RARB: variants seen among roughly 807,000 people sequenced by gnomAD.
RARB encodes the protein retinoic acid receptor beta, also known as HBV-activated protein.
A neutral mutation model predicts 51.9 loss-of-function variants in RARB; 17 were observed. That is an observed-to-expected ratio of 0.33 (90% CI 0.22 to 0.49). The LOEUF (loss-of-function observed/expected upper bound fraction) is 0.49. RARB is among the 20% of genes least tolerant of loss of function. The pLI is 0.99. For missense variants in RARB, 369 were observed against 550.8 expected (o/e 0.67, Z 3.30); for synonymous variants, 215 against 195.4 (o/e 1.10, Z -0.84).
chr3:24,954,447 A>G (rs890821154), intron 2 of RARB, among the ~76,000 whole-genome samples: 6 of 152,232 alleles, frequency 3.9e-5, no homozygotes, highest in Admixed American at 6.5e-5. Flanking sequence ...CAACAAAATC[A>G]GAAGTCAAGG....
intron 2 of RARB, among the ~76,000 whole-genome samples, chr3:24,981,540 A>G (rs1221403410): frequency 2.0e-5 from 3 of 152,004 alleles, no homozygotes; most frequent in Non-Finnish European, 4.4e-5. Flanking sequence ...TCGATCCCAG[A>G]CTGCTGCGTT....
intron 2 of RARB, among the ~76,000 whole-genome samples, chr3:25,006,680 CGTT>C (rs2125277643): frequency 6.6e-6 from 1 of 152,208 alleles, no homozygotes; most frequent in East Asian, 1.9e-4. Context: ...CTATTACAAA[CGTT>C]GTTATAAATC....
At chr3:25,443,421 CT>C (rs5847355) in intron 1 of RARB, among the ~76,000 whole-genome samples, 51,917 of 149,914 alleles carry the variant, frequency 0.35, 9,224 homozygotes, top group Middle Eastern at 0.46. Flanking sequence ...CCCACCACCC[CT>C]TTTTTTTTGG....
At chr3:25,446,720 G>T (rs554487247) in intron 1 of RARB, among the ~76,000 whole-genome samples, 5 of 146,338 alleles carry the variant, frequency 3.4e-5, no homozygotes, top group South Asian at 2.1e-4. Flanking sequence ...GGAGAATAGC[G>T]TGAACCCGGG....
chr3:24,841,674 C>G (rs541827920), intron 1 of RARB, among the ~76,000 whole-genome samples: 4 of 152,246 alleles, frequency 2.6e-5, no homozygotes, highest in African/African-American at 9.6e-5. Context: ...TTAAAAATGT[C>G]TCTAATGTAA....
At chr3:25,316,749 T>C (rs1272005800) in intron 5 of RARB, among the ~76,000 whole-genome samples, 1 of 152,206 alleles carries the variant, frequency 6.6e-6, no homozygotes, top group East Asian at 1.9e-4. Flanking sequence ...CTGACAAATA[T>C]GACAATGACG....
intron 5 of RARB, among the ~76,000 whole-genome samples, chr3:25,315,448 C>T (rs941835825): frequency 3.3e-5 from 5 of 152,196 alleles, no homozygotes; most frequent in African/African-American, 1.2e-4. Flanking sequence ...AAGGGGTCTG[C>T]ACAGTGAGTG....
At chr3:25,211,872 A>C (rs896078103) in intron 5 of RARB, among the ~76,000 whole-genome samples, 1 of 152,238 alleles carries the variant, frequency 6.6e-6, no homozygotes, top group Non-Finnish European at 1.5e-5. Context: ...ATTACAAATC[A>C]TGCAAATCAT....
rs569238586 is a variant in RARB at position 24,938,124 on chromosome 3, G to T, written c.-380+79372G>T. Reference sequence around the variant, plus strand: ...ATGGAGAGCTTGAGAGGTGATCAAGGTTAACCTTGGCTGGGCCAATGGTAA... The same window carrying T: ...ATGGAGAGCTTGAGAGGTGATCAAGTTTAACCTTGGCTGGGCCAATGGTAA... On this transcript the variant is annotated intron_variant, in intron 2 of 11. Transcript: ENST00000383772. Among the ~76,000 whole-genome samples, 6 of 152,254 alleles carry T rather than the reference G, an allele frequency of 3.9e-5. No homozygotes were observed. The South Asian group carries it at 1.0e-3, about 26-fold the overall frequency.
intron 3 of RARB, among the ~76,000 whole-genome samples, chr3:25,107,230 A>G (rs754297746): frequency 2.6e-5 from 4 of 152,152 alleles, no homozygotes; most frequent in Non-Finnish European, 4.4e-5. Flanking sequence ...CCATCAAGCT[A>G]TCAGATGCCA....
intron 2 of RARB, among the ~76,000 whole-genome samples, chr3:25,032,500 C>A: frequency 6.6e-6 from 1 of 152,310 alleles, no homozygotes; most frequent in Middle Eastern, 3.4e-3. Context: ...TTACGTGGAT[C>A]TGAAGTGAAG....
intron 5 of RARB, among the ~76,000 whole-genome samples, chr3:25,177,026 T>A (rs1700768517): frequency 6.6e-6 from 1 of 152,282 alleles, no homozygotes. Context: ...AAAAGGTGTT[T>A]GGAGAAGGGG....
At chr3:25,088,524 G>A (rs570745770) in intron 3 of RARB, among the ~76,000 whole-genome samples, 16 of 152,230 alleles carry the variant, frequency 1.1e-4, no homozygotes, top group South Asian at 4.1e-4. Flanking sequence ...AATCCATGTA[G>A]TGGAGCATTC....
chr3:25,333,404 C>G (rs1433641453), intron 5 of RARB, among the ~76,000 whole-genome samples: 5 of 152,118 alleles, frequency 3.3e-5, no homozygotes, highest in East Asian at 3.8e-4. Context: ...TTTGACAAAC[C>G]TGACAAAAAC....
At chr3:24,949,843 T>C (rs554875363) in intron 2 of RARB, among the ~76,000 whole-genome samples, 1 of 152,294 alleles carries the variant, frequency 6.6e-6, no homozygotes, top group Non-Finnish European at 1.5e-5. Flanking sequence ...GTTCCTTTAC[T>C]TTTTCCTCCA....
At chr3:24,911,836 T>A (rs1216708128) in intron 2 of RARB, among the ~76,000 whole-genome samples, 1 of 152,132 alleles carries the variant, frequency 6.6e-6, no homozygotes, top group Non-Finnish European at 1.5e-5. Flanking sequence ...TGGGAGTGTG[T>A]TTTTTCTAGG....
At chr3:25,263,746 G>A (rs1468637842) in intron 5 of RARB, among the ~76,000 whole-genome samples, 1 of 152,112 alleles carries the variant, frequency 6.6e-6, no homozygotes, top group Non-Finnish European at 1.5e-5. Context: ...CTAGGGGAAG[G>A]CCAGTGTGCC....
At chr3:25,223,160 C>G (rs1298330849) in intron 5 of RARB, among the ~76,000 whole-genome samples, 1 of 152,160 alleles carries the variant, frequency 6.6e-6, no homozygotes, top group Non-Finnish European at 1.5e-5. Flanking sequence ...CTCAGTGGAT[C>G]CCACCAACTG....
At chr3:25,287,352 G>C (rs1703681366) in intron 5 of RARB, among the ~76,000 whole-genome samples, 1 of 152,132 alleles carries the variant, frequency 6.6e-6, no homozygotes, top group Non-Finnish European at 1.5e-5. Context: ...ATATACAAGG[G>C]AGAGAAAGAA....
Sources: gnomAD v4.1 joint callset for allele counts (sites outside exome capture counted in the v4.1 genomes callset) on GRCh38, gnomAD v4.1.1 for gene constraint, MANE v1.5 for transcripts, NCBI Gene and HGNC (gene_info 2026-07-23, HGNC 2026-07-21) for gene names.